Variants in NTRK3 observed in about 807,000 individuals in gnomAD.
The protein encoded by NTRK3 is neurotrophic receptor tyrosine kinase 3, also known as NT-3 growth factor receptor.
Under a neutral mutation model 91.7 loss-of-function variants are expected in NTRK3, and 24 were observed. The ratio of observed to expected loss-of-function variants is 0.26; its 90% CI spans 0.19 to 0.37. NTRK3 has a LOEUF of 0.37. Among genes scored for constraint, NTRK3 ranks in the 10% least tolerant of loss-of-function variants. The probability of loss-of-function intolerance (pLI) is 1.00; values close to 1 mark genes in which losing one functional copy is unlikely to be tolerated. For synonymous variants in NTRK3, 483 were observed against 404.0 expected, an observed-to-expected ratio of 1.20 and a Z score of -2.34; for missense variants, 880 against 1,068.9, an observed-to-expected ratio of 0.82 and a Z score of 2.46.
chr15:87,941,119 G>C (rs928256515), intron 14 of NTRK3, among the ~76,000 whole-genome samples: 6 of 152,090 alleles, frequency 3.9e-5, no homozygotes, highest in Admixed American at 3.9e-4. Context: ...TGGGAATCTT[G>C]TCAAAATGAA....
At chr15:87,948,382 T>C (rs2070775259) in intron 14 of NTRK3, among the ~76,000 whole-genome samples, 1 of 152,218 alleles carries the variant, frequency 6.6e-6, no homozygotes, top group African/African-American at 2.4e-5. Context: ...TTTAGAGGTC[T>C]AGAATTTAAA....
intron 17 of NTRK3, among the ~76,000 whole-genome samples, chr15:87,900,978 C>T (rs2141649670): frequency 6.6e-6 from 1 of 152,220 alleles, no homozygotes; most frequent in Admixed American, 6.5e-5. Flanking sequence ...GGTTAGAGCT[C>T]TGAGGTCCAC....
chr15:88,105,418 T>A (rs1348985861), intron 13 of NTRK3, among the ~76,000 whole-genome samples: 1 of 152,136 alleles, frequency 6.6e-6, no homozygotes, highest in Non-Finnish European at 1.5e-5. Context: ...GGTGTTCCAA[T>A]CAGCTGGCTT....
chr15:87,902,123 C>T (rs956745266), intron 17 of NTRK3, among the ~76,000 whole-genome samples: 2 of 152,128 alleles, frequency 1.3e-5, no homozygotes, highest in Non-Finnish European at 2.9e-5. Context: ...AGATGGGAAC[C>T]TACACCAGCC....
chr15:87,988,123 G>C (rs184540520), intron 14 of NTRK3, among the ~76,000 whole-genome samples: 36 of 152,296 alleles, frequency 2.4e-4, no homozygotes, highest in African/African-American at 7.9e-4. Context: ...ATGAGGGTTA[G>C]CATCATCAGT....
At chr15:88,211,335 T>C (rs2049228150) in intron 3 of NTRK3, among the ~76,000 whole-genome samples, 1 of 152,248 alleles carries the variant, frequency 6.6e-6, no homozygotes, top group South Asian at 2.1e-4. Flanking sequence ...TTGTAGCATG[T>C]ATCAAAATGT....
intron 14 of NTRK3, among the ~76,000 whole-genome samples, chr15:87,967,647 C>T (rs2072902970): frequency 6.6e-6 from 1 of 152,166 alleles, no homozygotes; most frequent in South Asian, 2.1e-4. Context: ...TTTGTAAATC[C>T]TGTTCGTGCT....
chr15:88,044,528 T>G (rs187185973), intron 13 of NTRK3, among the ~76,000 whole-genome samples: 4,083 of 151,770 alleles, frequency 0.027, 211 homozygotes, highest in African/African-American at 0.094. Flanking sequence ...TCCAAAGTGC[T>G]GGGATTACAG....
intron 3 of NTRK3, chr15:88,253,056 TC>T (rs1316972233): frequency 2.0e-5 from 3 of 152,172 alleles, no homozygotes; most frequent in Admixed American, 6.5e-5. Context: ...GAAGGAAGGA[TC>T]TCGAAACATT....
At chr15:88,098,869 G>A (rs768433811) in intron 13 of NTRK3, 1 of 232,680 alleles carries the variant, frequency 4.3e-6, no homozygotes, top group African/African-American at 2.2e-5. Flanking sequence ...AGATAATACT[G>A]TAATGTGATA....
intron 13 of NTRK3, among the ~76,000 whole-genome samples, chr15:88,116,725 C>A (rs1325290658): frequency 6.6e-6 from 1 of 152,170 alleles, no homozygotes; most frequent in Non-Finnish European, 1.5e-5. Context: ...TAACAAGATC[C>A]CCAGAATCTT....
At chr15:88,215,360 C>T (rs895423760) in intron 3 of NTRK3, among the ~76,000 whole-genome samples, 10 of 152,238 alleles carry the variant, frequency 6.6e-5, no homozygotes, top group Non-Finnish European at 1.2e-4. Context: ...CACTGCCCCA[C>T]CTGGCCCCAA....
intron 14 of NTRK3, among the ~76,000 whole-genome samples, chr15:87,973,168 T>C (rs1283276131): frequency 1.3e-5 from 2 of 152,156 alleles, no homozygotes; most frequent in Non-Finnish European, 2.9e-5. Flanking sequence ...CCAGATATTT[T>C]GTGATAGAAG....
At chr15:88,120,472 C>T (rs1177180747) in intron 13 of NTRK3, among the ~76,000 whole-genome samples, 2 of 152,250 alleles carry the variant, frequency 1.3e-5, no homozygotes, top group African/African-American at 4.8e-5. Context: ...CAAGTGGTTG[C>T]TGATGAGGCA....
chr15:88,036,049 G>A lies in NTRK3; in HGVS notation c.1397-3004C>T, dbSNP rs574251752. Among the ~76,000 whole-genome samples the A allele has an allele frequency of 1.5e-4, 23 of 152,050 alleles. 1 individual carries two copies. In the East Asian group the frequency reaches 4.3e-3, roughly 28 times the overall value. On this transcript the variant is annotated intron_variant, in intron 13 of 18. Transcript: ENST00000394480. ...CACCATCTAATTAAAAGAAATCCCA[G>A]AGAGAGAGAGACAGGGAAAATGAAT... is the stretch of plus-strand genomic sequence containing the variant.
chr15:88,254,036 G>A (rs1331032691), intron 3 of NTRK3, among the ~76,000 whole-genome samples: 2 of 152,100 alleles, frequency 1.3e-5, no homozygotes, highest in Non-Finnish European at 1.5e-5. Context: ...CACATCCTTG[G>A]AGCAGCACAC....
At chr15:88,196,319 G>A (rs1347414698) in intron 3 of NTRK3, among the ~76,000 whole-genome samples, 2 of 152,218 alleles carry the variant, frequency 1.3e-5, no homozygotes, top group Admixed American at 1.3e-4. Flanking sequence ...CATTTGTGAT[G>A]CCTGGCCCTC....
intron 14 of NTRK3, among the ~76,000 whole-genome samples, chr15:87,958,902 TTAAGAG>T (rs1168140617): frequency 6.6e-6 from 1 of 152,114 alleles, no homozygotes; most frequent in Admixed American, 6.5e-5. Flanking sequence ...CAAACCCAAG[TTAAGAG>T]TAACAGCCCA....
chr15:88,218,246 T>A (rs563297520), intron 3 of NTRK3, among the ~76,000 whole-genome samples: 61 of 152,348 alleles, frequency 4.0e-4, no homozygotes, highest in African/African-American at 1.5e-3. Context: ...AGGCCTCTGA[T>A]GGACATTTCT....
Sources: allele counts gnomAD v4.1 joint callset (sites outside exome capture counted in the v4.1 genomes callset), GRCh38; gene constraint gnomAD v4.1.1; transcripts MANE v1.5; gene names NCBI Gene and HGNC (gene_info 2026-07-23, HGNC 2026-07-21).